The following THSD7A variants were observed in gnomAD, a reference collection of about 807,000 sequenced individuals.
THSD7A encodes thrombospondin type 1 domain containing 7A, also known as thrombospondin type-1 domain-containing protein 7A.
A neutral mutation model predicts 231.3 loss-of-function variants in THSD7A; 96 were observed. That is an observed-to-expected ratio of 0.41 (90% CI 0.35 to 0.49). The LOEUF is 0.49. THSD7A is among the 20% of genes least tolerant of loss of function. The pLI is 0.05. For missense variants in THSD7A, 2,290 were observed against 2,070.2 expected (o/e 1.11, Z -2.06); for synonymous variants, 940 against 743.3 (o/e 1.26, Z -4.30).
intron 4 of THSD7A, among the ~76,000 whole-genome samples, chr7:11,564,184 C>G (rs1486093148): frequency 1.3e-5 from 2 of 152,206 alleles, no homozygotes; most frequent in African/African-American, 4.8e-5. Flanking sequence ...TAGGTCCAGA[C>G]TGAAACCTGA....
intron 23 of THSD7A, among the ~76,000 whole-genome samples, chr7:11,391,622 T>C (rs1782984749): frequency 7.0e-6 from 1 of 142,480 alleles, no homozygotes; most frequent in South Asian, 2.1e-4. Flanking sequence ...TGGCAGTGAA[T>C]GGTTCTGTCC....
intron 1 of THSD7A, among the ~76,000 whole-genome samples, chr7:11,807,058 G>A (rs926049883): frequency 6.6e-6 from 1 of 151,814 alleles, no homozygotes; most frequent in Non-Finnish European, 1.5e-5. Context: ...AATATTTGGT[G>A]TTGACATTAT....
chr7:11,379,273 G>A lies in THSD7A; in HGVS notation c.4598C>T (p.Thr1533Ile), dbSNP rs201552692. 104 of 1,613,362 alleles carry A rather than the reference G, an allele frequency of 6.4e-5. No homozygotes were observed. The highest frequency in any genetic ancestry group is 8.1e-5 in the Non-Finnish European group (96 of 1,179,534). ...QPHSYCSETK[T>I]CHCEEGYTEV... ...AGTGTACCCTTCTTCACAATGGCATGTTTTTGTCTGCAGGAGAACAAGAAG... is the reference window on the plus strand; with the variant it reads ...AGTGTACCCTTCTTCACAATGGCATATTTTTGTCTGCAGGAGAACAAGAAG... The change falls in exon 26 of 28, where the codon ACA becomes ATA. Residue 1533 changes from threonine to isoleucine, a missense_variant. Physicochemically the swap from Thr to Ile is moderately conservative, Grantham distance 89. Coordinates refer to ENST00000423059, the MANE Select transcript of THSD7A (RefSeq NM_015204.3).
intron 6 of THSD7A, among the ~76,000 whole-genome samples, chr7:11,499,454 T>C (rs1311280833): frequency 6.6e-6 from 1 of 152,158 alleles, no homozygotes; most frequent in East Asian, 1.9e-4. Flanking sequence ...GAGTGCCAAG[T>C]TGTTCTTAAC....
intron 6 of THSD7A, among the ~76,000 whole-genome samples, chr7:11,483,937 TG>T (rs914982275): frequency 6.9e-4 from 105 of 152,326 alleles, no homozygotes; most frequent in African/African-American, 2.3e-3. Flanking sequence ...AATGCATTTT[TG>T]TTTGTTGTCA....
chr7:11,622,920 G>C (rs1781364259), intron 2 of THSD7A, among the ~76,000 whole-genome samples: 1 of 152,122 alleles, frequency 6.6e-6, no homozygotes, highest in South Asian at 2.1e-4. Flanking sequence ...AAAGGCTTTA[G>C]AGATATCTTC....
chr7:11,529,274 A>T (rs1788604814), intron 6 of THSD7A, among the ~76,000 whole-genome samples: 2 of 152,054 alleles, frequency 1.3e-5, no homozygotes, highest in South Asian at 4.1e-4. Flanking sequence ...TTATATATTT[A>T]TTTTCTGTTA....
chr7:11,638,639 T>C (rs557536616), intron 1 of THSD7A, among the ~76,000 whole-genome samples: 10 of 152,138 alleles, frequency 6.6e-5, no homozygotes, highest in Non-Finnish European at 1.2e-4. Flanking sequence ...TTTATGAAGT[T>C]TGCATGTACA....
At chr7:11,696,191 T>C (rs1169367724) in intron 1 of THSD7A, among the ~76,000 whole-genome samples, 2 of 151,382 alleles carry the variant, frequency 1.3e-5, no homozygotes, top group African/African-American at 4.8e-5. Context: ...CAAAGCTCTA[T>C]GAATGTTCTG....
chr7:11,814,399 C>G lies in THSD7A; in HGVS notation c.190+17358G>C, dbSNP rs923556378. Among the ~76,000 whole-genome samples the G allele has an allele frequency of 6.6e-6, 1 of 152,136 alleles. No homozygotes were observed. The highest frequency in any genetic ancestry group is 1.5e-5 in the Non-Finnish European group (1 of 68,032). On this transcript the variant is annotated intron_variant, in intron 1 of 27. Transcript: ENST00000423059. The surrounding 1 kb of genome is among the most constrained non-coding windows in gnomAD (Gnocchi z 5.1). ...TAACATGGCACAAAAGTAATTTTCA[C>G]TCTAATTTCCACATTTTTCATAAAA...
chr7:11,517,731 T>A (rs1788092042), intron 6 of THSD7A, among the ~76,000 whole-genome samples: 1 of 152,216 alleles, frequency 6.6e-6, no homozygotes, highest in Non-Finnish European at 1.5e-5. Flanking sequence ...TAGAAGATAA[T>A]TTTATAGTAG....
chr7:11,387,605 T>G (rs1052586215), intron 23 of THSD7A, among the ~76,000 whole-genome samples: 2 of 152,234 alleles, frequency 1.3e-5, no homozygotes, highest in Admixed American at 6.5e-5. Context: ...AAGGAGATTT[T>G]GGGCTGATAT....
intron 1 of THSD7A, among the ~76,000 whole-genome samples, chr7:11,811,031 C>A (rs955668102): frequency 6.6e-6 from 1 of 152,130 alleles, no homozygotes; most frequent in Non-Finnish European, 1.5e-5. Flanking sequence ...GAACTTCAAA[C>A]TTCTGAAGAC....
intron 1 of THSD7A, among the ~76,000 whole-genome samples, chr7:11,676,411 A>G (rs970118035): frequency 6.6e-5 from 10 of 152,148 alleles, no homozygotes; most frequent in African/African-American, 2.2e-4. Context: ...TGGATGGCAA[A>G]TGAGTTTGAC....
rs1264838879 is a variant in THSD7A at position 11,417,531 on chromosome 7, G to A, written c.3456C>T (p.Pro1152=). The part of the protein sequence containing the change: ...EDYLCDPEEM[P]LGSRVCKLPC... ...GTAATTTGCACACTCTAGAGCCCAG[G>A]GGCATCTCTTCTGGGTCACAGAGGT... is the stretch of plus-strand genomic sequence containing the variant. Residue 1152 remains proline (P), a synonymous_variant, in exon 17 of 28, where the codon CCC becomes CCT. Coordinates refer to ENST00000423059, the MANE Select transcript of THSD7A (RefSeq NM_015204.3). 3.7e-6 allele frequency: 6 copies of A among 1,613,736 alleles called. No homozygotes were observed. Among genetic ancestry groups the A allele is most frequent in the Non-Finnish European group, 5.1e-6 (6 of 1,179,764 alleles).
At chr7:11,408,331 C>T (rs772583308) in intron 19 of THSD7A, among the ~76,000 whole-genome samples, 1 of 151,770 alleles carries the variant, frequency 6.6e-6, no homozygotes, top group Non-Finnish European at 1.5e-5. Context: ...CTCACCTCTA[C>T]TAAAAAAAAT....
intron 2 of THSD7A, among the ~76,000 whole-genome samples, chr7:11,599,213 T>C (rs1469125771): frequency 2.0e-5 from 3 of 152,136 alleles, no homozygotes; most frequent in African/African-American, 7.2e-5. Flanking sequence ...TTAAGGTCAA[T>C]GGGAAACTAC....
intron 6 of THSD7A, among the ~76,000 whole-genome samples, chr7:11,482,195 T>C (rs529693733): frequency 6.6e-6 from 1 of 152,282 alleles, no homozygotes; most frequent in African/African-American, 2.4e-5. Context: ...TGACCCTAAA[T>C]GAGGCTTCTT....
intron 1 of THSD7A, among the ~76,000 whole-genome samples, chr7:11,655,406 G>A (rs1030977879): frequency 6.6e-6 from 1 of 151,572 alleles, no homozygotes; most frequent in African/African-American, 2.4e-5. Flanking sequence ...ACCTACTAGA[G>A]GTTTCTTTCT....
Sources: gnomAD v4.1 joint callset for allele counts (sites outside exome capture counted in the v4.1 genomes callset) on GRCh38, gnomAD v4.1.1 for gene constraint, Gnocchi (gnomAD v3.1) non-coding constraint, MANE v1.5 for transcripts, NCBI Gene and HGNC (gene_info 2026-07-23, HGNC 2026-07-21) for gene names.